Variants in NRG3 observed in about 807,000 individuals in gnomAD.
NRG3 encodes pro-neuregulin-3, membrane-bound isoform.
Under a neutral mutation model 66.9 loss-of-function variants are expected in NRG3, and 31 were observed. The ratio of observed to expected loss-of-function variants is 0.46; its 90% CI spans 0.35 to 0.63. The LOEUF is 0.63. Ranked by LOEUF, NRG3 falls within the 20% of genes least tolerant of loss-of-function variation. The pLI, the probability that NRG3 is intolerant of heterozygous loss-of-function variation, is 0.00. For missense variants in NRG3, 910 were observed against 878.9 expected (o/e 1.04, Z -0.45); for synonymous variants, 393 against 359.4 (o/e 1.09, Z -1.06).
chr10:82,496,413 A>G (rs920249363), intron 2 of NRG3, among the ~76,000 whole-genome samples: 1 of 152,208 alleles, frequency 6.6e-6, no homozygotes, highest in African/African-American at 2.4e-5. Context: ...CTTTATGTAC[A>G]GTATCTCTCT....
At chr10:82,187,100 T>C (rs2073851529) in intron 1 of NRG3, among the ~76,000 whole-genome samples, 1 of 152,190 alleles carries the variant, frequency 6.6e-6, no homozygotes, top group Non-Finnish European at 1.5e-5. Flanking sequence ...TTTAGTTTAA[T>C]GCAAAATATA....
intron 1 of NRG3, among the ~76,000 whole-genome samples, chr10:82,254,646 A>G (rs2077628750): frequency 6.8e-6 from 1 of 146,444 alleles, no homozygotes. Context: ...TGCTAAAAAC[A>G]AAACAAATAC....
intron 1 of NRG3, among the ~76,000 whole-genome samples, chr10:81,939,878 A>AT (rs1012258636): frequency 5.3e-5 from 8 of 149,882 alleles, no homozygotes; most frequent in South Asian, 4.2e-4. Flanking sequence ...TGTTGATTTG[A>AT]TTTTTTTTAT....
chr10:82,571,846 T>C (rs749582457), intron 2 of NRG3, among the ~76,000 whole-genome samples: 6 of 151,580 alleles, frequency 4.0e-5, no homozygotes, highest in African/African-American at 1.5e-4. Flanking sequence ...TATATACAAA[T>C]GTATGCAAAA....
intron 1 of NRG3, among the ~76,000 whole-genome samples, chr10:81,878,413 A>G (rs1024300626): frequency 3.3e-5 from 5 of 152,258 alleles, no homozygotes; most frequent in African/African-American, 1.2e-4. Context: ...TGGATTATGT[A>G]GTTTTCATAA....
chr10:81,939,293 T>C (rs766383279), intron 1 of NRG3, among the ~76,000 whole-genome samples: 8 of 152,138 alleles, frequency 5.3e-5, no homozygotes, highest in Non-Finnish European at 1.2e-4. Flanking sequence ...TAAAGTAAGT[T>C]TGAATGTTTC....
intron 2 of NRG3, among the ~76,000 whole-genome samples, chr10:82,726,031 A>G (rs1234890753): frequency 6.6e-6 from 1 of 152,176 alleles, no homozygotes; most frequent in Non-Finnish European, 1.5e-5. Context: ...GTGGGCTTAT[A>G]AAAAGAGAGA....
intron 1 of NRG3, among the ~76,000 whole-genome samples, chr10:82,044,281 G>A (rs1056296982): frequency 3.3e-5 from 5 of 152,046 alleles, no homozygotes; most frequent in Middle Eastern, 3.4e-3. Context: ...GTTGCAGGTG[G>A]CCAGATCCTA....
intron 1 of NRG3, among the ~76,000 whole-genome samples, chr10:82,138,036 T>C (rs552633461): frequency 6.6e-6 from 1 of 152,206 alleles, no homozygotes; most frequent in East Asian, 1.9e-4. Flanking sequence ...TTTCTGCTTT[T>C]TGTTTCTCAA....
rs528509711 is a variant in NRG3 at position 82,304,966 on chromosome 10, T to G, written c.824-53773T>G. Among the ~76,000 whole-genome samples the G allele has an allele frequency of 4.0e-5, 6 of 150,582 alleles. No individual in the cohort carries two copies. In the South Asian group the frequency reaches 1.1e-3, roughly 26 times the overall value. ...CTCATCTTCTGGTTTGCATGTTTAT[T>G]AAGTCATCAGATTCCTCTTTTTTTT... On this transcript the variant is annotated intron_variant, in intron 1 of 8. Transcript: ENST00000372141.
chr10:82,431,919 T>C (rs1375154212), intron 2 of NRG3, among the ~76,000 whole-genome samples: 1 of 152,206 alleles, frequency 6.6e-6, no homozygotes, highest in African/African-American at 2.4e-5. Context: ...TACTTACATA[T>C]ATTGATCTGC....
intron 3 of NRG3, among the ~76,000 whole-genome samples, chr10:82,776,994 T>G (rs2059935253): frequency 6.6e-6 from 1 of 152,196 alleles, no homozygotes. Flanking sequence ...TTTTTCATGT[T>G]TCTTGTGTCC....
In NRG3 at chr10:82,572,693, G is replaced by A. The variant is rs2045812477; in HGVS notation, c.954-165884G>A. On this transcript the variant is annotated intron_variant, in intron 2 of 8. Transcript: ENST00000372141. ...CTTTTCTACTTTCCCAGAAATTCTG[G>A]TAAAAGTAATGTAAAAAATGTGAAT... is the stretch of plus-strand genomic sequence containing the variant. Among the ~76,000 whole-genome samples the A allele has an allele frequency of 2.0e-5, 3 of 151,198 alleles. No individual in the cohort carries two copies. In the South Asian group the frequency reaches 6.3e-4, roughly 31 times the overall value.
intron 1 of NRG3, among the ~76,000 whole-genome samples, chr10:82,217,887 G>T (rs1205157738): frequency 6.6e-6 from 1 of 151,888 alleles, no homozygotes; most frequent in African/African-American, 2.4e-5. Context: ...TACTCAAAAG[G>T]CCTATCTTAT....
intron 2 of NRG3, among the ~76,000 whole-genome samples, chr10:82,577,747 A>T (rs920044032): frequency 1.3e-5 from 2 of 151,728 alleles, no homozygotes; most frequent in African/African-American, 4.8e-5. Context: ...ATGTTAATGG[A>T]TTAGAAGGAC....
chr10:82,109,760 A>T (rs1269115761), intron 1 of NRG3, among the ~76,000 whole-genome samples: 1 of 152,120 alleles, frequency 6.6e-6, no homozygotes, highest in Non-Finnish European at 1.5e-5. Flanking sequence ...TAATTTCCTG[A>T]ATCTTCGCAT....
rs1439949310 is a variant in NRG3 at position 82,575,402 on chromosome 10, T to A, written c.954-163175T>A. ...CTTGGAGGGTTGGAAGAATAGCAGG[T>A]TATTAAATTACTTTTTGGGACAATA... On this transcript the variant is annotated intron_variant, in intron 2 of 8. Transcript: ENST00000372141. Among the ~76,000 whole-genome samples the A allele has an allele frequency of 2.6e-5, 4 of 151,574 alleles. No homozygotes were observed. In the East Asian group the frequency reaches 7.8e-4, roughly 29 times the overall value.
intron 2 of NRG3, among the ~76,000 whole-genome samples, chr10:82,577,241 A>G (rs571904446): frequency 3.3e-5 from 5 of 151,890 alleles, no homozygotes; most frequent in African/African-American, 4.8e-5. Flanking sequence ...CTTTTATAAT[A>G]ACTCTGCATT....
At chr10:82,441,311 C>T (rs574113933) in intron 2 of NRG3, among the ~76,000 whole-genome samples, 40 of 152,270 alleles carry the variant, frequency 2.6e-4, no homozygotes, top group African/African-American at 7.7e-4. Flanking sequence ...TAAGGGATTT[C>T]GGAGAAAATG....
Sources: gnomAD v4.1 joint callset for allele counts (sites outside exome capture counted in the v4.1 genomes callset) on GRCh38, gnomAD v4.1.1 for gene constraint, MANE v1.5 for transcripts, NCBI Gene and HGNC (gene_info 2026-07-23, HGNC 2026-07-21) for gene names.